Variants in NEK10 observed in about 807,000 individuals in gnomAD.
The protein encoded by NEK10 is NIMA related kinase 10, also known as serine/threonine-protein kinase Nek10.
In NEK10, 122 loss-of-function variants were observed where a neutral mutation model predicts 159.8. The observed-to-expected ratio is 0.76, with a 90% CI of 0.66 to 0.89. The LOEUF is 0.89. Ranked by LOEUF, NEK10 falls within the 40% of genes least tolerant of loss-of-function variation. The pLI is 0.00. For missense variants in NEK10, 1,342 were observed against 1,323.1 expected (o/e 1.01, Z -0.22); for synonymous variants, 466 against 457.1 (o/e 1.02, Z -0.25).
At chr3:27,228,319 G>A (rs1952851797) in intron 23 of NEK10, among the ~76,000 whole-genome samples, 1 of 151,742 alleles carries the variant, frequency 6.6e-6, no homozygotes, top group South Asian at 2.1e-4. Context: ...AATATATTTG[G>A]AATTACCACT....
chr3:27,120,363 G>A lies in NEK10; in HGVS notation c.3082-495C>T, dbSNP rs149522330. On this transcript the variant is annotated intron_variant, in intron 32 of 35. Transcript: ENST00000691995. ...TTCTGCAACAGTGTCTCACTCTGTC[G>A]CCCAGGCTGCAGTGCAGTGGCACAA... 1.7e-3 allele frequency among the ~76,000 whole-genome samples: 245 copies of A among 146,668 alleles called. 6 individuals are homozygous for A. In the East Asian group the frequency reaches 0.041, roughly 25 times the overall value.
chr3:27,241,706 C>T (rs1202685790), intron 23 of NEK10, among the ~76,000 whole-genome samples: 1 of 152,190 alleles, frequency 6.6e-6, no homozygotes, highest in African/African-American at 2.4e-5. Context: ...ACTTGCACTT[C>T]AATTCTTTTC....
Position 27,353,841 on chromosome 3 carries a change from G to A in NEK10, c.-37-922C>T, listed in dbSNP as rs77946323. Among the ~76,000 whole-genome samples the A allele has an allele frequency of 1.4e-4, 21 of 152,184 alleles. No individual in the cohort carries two copies. In the East Asian group the frequency reaches 4.0e-3, roughly 29 times the overall value. ...AAAAAACAAACAAAAACCCACTCGT[G>A]AACTTTAAAACATGTTTGTGAGGTG... is the stretch of plus-strand genomic sequence containing the variant. On this transcript the variant is annotated intron_variant, in intron 1 of 35. Transcript: ENST00000691995.
At chr3:27,210,151 T>C (rs1256308397) in intron 23 of NEK10, among the ~76,000 whole-genome samples, 2 of 152,194 alleles carry the variant, frequency 1.3e-5, no homozygotes, top group African/African-American at 4.8e-5. Context: ...TACCTGAAAC[T>C]AGACAATTTA....
chr3:27,121,048 C>T (rs1407072989), intron 32 of NEK10, among the ~76,000 whole-genome samples: 1 of 152,068 alleles, frequency 6.6e-6, no homozygotes, highest in Admixed American at 6.6e-5. Flanking sequence ...ATAATATATG[C>T]CTACCCTATG....
intron 18 of NEK10, 133 bp from the exon 19 acceptor site, chr3:27,290,887 A>C: frequency 2.9e-6 from 2 of 695,456 alleles, no homozygotes; most frequent in Non-Finnish European, 4.7e-6. Flanking sequence ...CAGAGCATTT[A>C]AAGTTCCAGC....
chr3:27,306,703 G>C (rs2044271028), intron 11 of NEK10, among the ~76,000 whole-genome samples: 1 of 152,166 alleles, frequency 6.6e-6, no homozygotes, highest in South Asian at 2.1e-4. Context: ...GGGAAAAATA[G>C]GGTTAATGTG....
chr3:27,193,396 A>C (rs1949280038), intron 25 of NEK10, among the ~76,000 whole-genome samples: 1 of 152,070 alleles, frequency 6.6e-6, no homozygotes, highest in African/African-American at 2.4e-5. Flanking sequence ...TCTACTCAAA[A>C]TTCTTCAATA....
chr3:27,198,035 T>G (rs1432832172), intron 25 of NEK10, among the ~76,000 whole-genome samples: 2 of 151,764 alleles, frequency 1.3e-5, no homozygotes, highest in Non-Finnish European at 2.9e-5. Flanking sequence ...CATTTACAAT[T>G]GCCAAAAAAA....
chr3:27,248,218 C>CT (rs1407706167), intron 23 of NEK10, among the ~76,000 whole-genome samples: 1 of 152,034 alleles, frequency 6.6e-6, no homozygotes, highest in Non-Finnish European at 1.5e-5. Context: ...GTAATGTCTC[C>CT]TTTTTCATCC....
intron 22 of NEK10, among the ~76,000 whole-genome samples, chr3:27,260,607 C>T (rs1235428214): frequency 1.3e-5 from 2 of 152,138 alleles, no homozygotes; most frequent in Admixed American, 1.3e-4. Context: ...GGATGTGCTG[C>T]TGGATTTGGT....
chr3:27,300,169 G>A (rs1468760557), intron 13 of NEK10, among the ~76,000 whole-genome samples: 1 of 152,196 alleles, frequency 6.6e-6, no homozygotes, highest in Non-Finnish European at 1.5e-5. Context: ...TGTCATGGGA[G>A]GAACCCAGTG....
Position 27,307,908 on chromosome 3 carries a change from C to A in NEK10, c.754G>T (p.Val252Leu), listed in dbSNP as rs1453923220. The change falls in exon 11 of 36, where the codon GTA becomes TTA. Residue 252 changes from valine to leucine, a missense_variant. By Grantham distance (32) the Val-to-Leu change is conservative. Coordinates refer to ENST00000691995, the MANE Select transcript of NEK10 (RefSeq NM_001394966.1). ...TGTAAAATCATCAACAGATTTTCTA[C>A]AATGTTGAGTTCACTTATCTTCTCC... ...CREKISELNI[V>L]ENLLMILHEY... 7.0e-6 allele frequency: 11 copies of A among 1,562,524 alleles called. No homozygotes were observed. The highest frequency in any genetic ancestry group is 8.8e-6 in the Non-Finnish European group (10 of 1,133,990).
At chr3:27,256,140 AC>A (rs1161685820) in intron 23 of NEK10, among the ~76,000 whole-genome samples, 155 bp downstream of exon 23, 1 of 152,218 alleles carries the variant, frequency 6.6e-6, no homozygotes, top group African/African-American at 2.4e-5. Flanking sequence ...ATAATGATCC[AC>A]AATTCTAGTA....
chr3:27,114,245 G>A (rs1436815106), intron 35 of NEK10, among the ~76,000 whole-genome samples: 2 of 152,138 alleles, frequency 1.3e-5, no homozygotes, highest in African/African-American at 4.8e-5. Flanking sequence ...AGAGGTCCTT[G>A]CTGCTCTTTC....
chr3:27,289,338 G>A (rs977565992), intron 19 of NEK10, among the ~76,000 whole-genome samples: 5 of 152,046 alleles, frequency 3.3e-5, no homozygotes, highest in Admixed American at 2.6e-4. Flanking sequence ...CTCCATTCTA[G>A]CCCCATTTGT....
At chr3:27,219,940 A>G (rs1383809038) in intron 23 of NEK10, among the ~76,000 whole-genome samples, 4 of 152,242 alleles carry the variant, frequency 2.6e-5, no homozygotes, top group African/African-American at 9.6e-5. Flanking sequence ...TGAACAATCC[A>G]AGATGAAATT....
At chr3:27,281,798 C>T (rs2042178788) in intron 22 of NEK10, among the ~76,000 whole-genome samples, 1 of 152,026 alleles carries the variant, frequency 6.6e-6, no homozygotes, top group African/African-American at 2.4e-5. Flanking sequence ...AAGTGAAACC[C>T]AGAGTACACT....
chr3:27,366,807 A>ATTTT lies in NEK10; in HGVS notation c.-38+2414_-38+2417dup, dbSNP rs3060370. 4.1e-3 allele frequency among the ~76,000 whole-genome samples: 451 copies of ATTTT among 109,492 alleles called. 7 individuals are homozygous for ATTTT. Among genetic ancestry groups the ATTTT allele is most frequent in the African/African-American group, 0.013 (385 of 28,602 alleles). The allele number at this position is 109,492 out of a possible 152,430, so 71.8% of individuals were successfully genotyped here. On this transcript the variant is annotated intron_variant, in intron 1 of 35. Transcript: ENST00000691995. Reference sequence around the variant, plus strand: ...CACAGCTCTAGACTTCAGTGTGTTCATTTTTTTTTTTTTTTTTTTTTGAGA... The same window carrying ATTTT: ...CACAGCTCTAGACTTCAGTGTGTTCATTTTTTTTTTTTTTTTTTTTTTTTTGAGA...
Sources: gnomAD v4.1 joint callset for allele counts (sites outside exome capture counted in the v4.1 genomes callset) on GRCh38, gnomAD v4.1.1 for gene constraint, MANE v1.5 for transcripts, NCBI Gene and HGNC (gene_info 2026-07-23, HGNC 2026-07-21) for gene names.